IFT74: variants seen among roughly 807,000 people sequenced by gnomAD.
IFT74 encodes intraflagellar transport 74.
A neutral mutation model predicts 96.7 loss-of-function variants in IFT74; 92 were observed. That is an observed-to-expected ratio of 0.95 (90% confidence interval 0.80 to 1.13). The LOEUF is 1.13. Among genes scored for constraint, IFT74 ranks in the 50% most tolerant of loss-of-function variants. The pLI, the probability that IFT74 is intolerant of heterozygous loss-of-function variation, is 0.00. For missense variants in IFT74, 811 were observed against 698.2 expected (o/e 1.16, Z -1.82); for synonymous variants, 223 against 213.2 (o/e 1.05, Z -0.40).
At chr9:27,012,545 C>T (rs1829135469) in intron 10 of IFT74, among the ~76,000 whole-genome samples, 1 of 151,992 alleles carries the variant, frequency 6.6e-6, no homozygotes, top group South Asian at 2.1e-4. Flanking sequence ...GACACATACA[C>T]AAGAGATTAT....
chr9:26,997,598 T>C (rs1828233596), intron 8 of IFT74: 1 of 954,896 alleles, frequency 1.0e-6, no homozygotes, highest in Non-Finnish European at 1.5e-6. Context: ...CCTCCCATAG[T>C]GATGGGATTA....
intron 13 of IFT74, chr9:27,036,774 A>T: frequency 8.7e-7 from 1 of 1,150,462 alleles, no homozygotes; most frequent in Non-Finnish European, 1.1e-6. Context: ...CTCAACAAGA[A>T]AATAAAATTC....
At chr9:27,023,045 TA>T (rs1411466994) in intron 12 of IFT74, among the ~76,000 whole-genome samples, 1 of 152,232 alleles carries the variant, frequency 6.6e-6, no homozygotes, top group African/African-American at 2.4e-5. Context: ...TTATAAGATC[TA>T]GGAGTTTTCT....
In IFT74 at chr9:27,044,787, A is replaced by G. The variant is rs768620623; in HGVS notation, c.1100A>G (p.His367Arg). The G allele has an allele frequency of 4.6e-6, 7 of 1,529,568 alleles. No homozygotes were observed. The highest frequency in any genetic ancestry group is 5.4e-6 in the Non-Finnish European group (6 of 1,113,250). The allele number at this position is 1,529,568 out of a possible 1,614,324, so 94.7% of individuals were successfully genotyped here. A position where few individuals can be genotyped will look rare whatever the true frequency, so the allele number is the denominator to read the frequency against. Residue 367 changes from histidine (H) to arginine (R), a missense_variant, in exon 14 of 20, where the codon CAT becomes CGT. Physicochemically the swap from His to Arg is conservative, Grantham distance 29. Transcript: ENST00000380062. ...AAGGAGCTAAAGAAAAGGGAGGAAC[A>G]TATGGACAGTAAGTGATATTCTTGT... ...KYKELKKREE[H>R]MDTFIETFEE...
intron 13 of IFT74, chr9:27,036,366 A>G (rs1436396149): frequency 1.3e-6 from 2 of 1,492,080 alleles, no homozygotes. Context: ...TTAGTTTAAA[A>G]CATTAAGCTT....
At chr9:26,962,878 T>C (rs1033642241) in intron 2 of IFT74, among the ~76,000 whole-genome samples, 23 of 151,626 alleles carry the variant, frequency 1.5e-4, no homozygotes, top group African/African-American at 5.6e-4. Context: ...ATAATATATA[T>C]ACCATATATA....
chr9:27,056,400 C>T lies in IFT74; in HGVS notation c.1564C>T (p.Gln522Ter), dbSNP rs745409480. ...TGCCTTTAAGAAAATAATGGAGAAGCAAAACATAGAGTATGAGGCACTAAA... is the reference window on the plus strand; with the variant it reads ...TGCCTTTAAGAAAATAATGGAGAAGTAAAACATAGAGTATGAGGCACTAAA... ...RNAFKKIMEKQNIEYEALKTQ... is the reference protein window; with the variant it reads ...RNAFKKIMEK The change falls in exon 18 of 20, where the codon CAA becomes TAA. Residue 522 changes from glutamine to a stop codon, truncating the protein, a stop_gained. Coordinates refer to ENST00000380062, the MANE Select transcript of IFT74 (RefSeq NM_025103.4). LOFTEE classifies it high-confidence loss of function. The T allele has an allele frequency of 5.0e-6, 8 of 1,598,818 alleles. No homozygotes were observed.
chr9:27,048,793 C>G (rs1378685158), intron 16 of IFT74, among the ~76,000 whole-genome samples: 1 of 152,194 alleles, frequency 6.6e-6, no homozygotes, highest in Non-Finnish European at 1.5e-5. Context: ...GAGGCCCTAA[C>G]TTTCCTGATA....
chr9:27,017,932 C>A (rs1182397186), intron 11 of IFT74, among the ~76,000 whole-genome samples: 4 of 152,142 alleles, frequency 2.6e-5, no homozygotes, highest in Admixed American at 6.5e-5. Flanking sequence ...GTCAGGGACT[C>A]CTTTGCCCTT....
chr9:26,959,442 A>G (rs895538618), intron 1 of IFT74, among the ~76,000 whole-genome samples: 3 of 152,178 alleles, frequency 2.0e-5, no homozygotes, highest in Non-Finnish European at 4.4e-5. Flanking sequence ...TTGGCTGCAT[A>G]AGGGAAGGAT....
chr9:26,978,097 T>C (rs753539457), intron 2 of IFT74, 31 bp from the exon 3 acceptor site: 1 of 1,546,292 alleles, frequency 6.5e-7, no homozygotes, highest in Non-Finnish European at 8.7e-7. Flanking sequence ...TTTTCTGGTT[T>C]ACTAAAAATG....
At chr9:27,008,271 T>G (rs1828884829) in intron 8 of IFT74, among the ~76,000 whole-genome samples, 1 of 152,164 alleles carries the variant, frequency 6.6e-6, no homozygotes, top group Admixed American at 6.5e-5. Flanking sequence ...ACTGGATGAT[T>G]TACACGGGAA....
upstream of IFT74, among the ~76,000 whole-genome samples, chr9:26,954,930 G>A (rs1290467404): frequency 1.3e-5 from 2 of 152,002 alleles, no homozygotes; most frequent in Non-Finnish European, 2.9e-5. Context: ...GAAGCTCAGA[G>A]GCAAATAAGT....
At chr9:27,061,962 G>A (rs1179512755) in intron 19 of IFT74, among the ~76,000 whole-genome samples, 1 of 152,154 alleles carries the variant, frequency 6.6e-6, no homozygotes, top group Non-Finnish European at 1.5e-5. Flanking sequence ...TTCCTTAAAA[G>A]TTGTTTCCTA....
intron 16 of IFT74, among the ~76,000 whole-genome samples, chr9:27,053,823 G>A (rs999975458): frequency 6.6e-6 from 1 of 152,142 alleles, no homozygotes; most frequent in African/African-American, 2.4e-5. Flanking sequence ...AATATCTACA[G>A]GCTAAAAACA....
chr9:27,027,490 T>G (rs1398393702), intron 12 of IFT74, among the ~76,000 whole-genome samples: 1 of 152,152 alleles, frequency 6.6e-6, no homozygotes. Context: ...TATTATCTCT[T>G]TTTCTATTAT....
At chr9:27,005,365 C>A (rs868326201) in intron 8 of IFT74, among the ~76,000 whole-genome samples, 2 of 104,542 alleles carry the variant, frequency 1.9e-5, no homozygotes, top group South Asian at 4.7e-4. Flanking sequence ...CCCCCCGCCC[C>A]CCGCAAAACA....
intron 1 of IFT74, among the ~76,000 whole-genome samples, chr9:26,948,402 CTTAA>C (rs1825814084): frequency 7.1e-6 from 1 of 141,682 alleles, no homozygotes; most frequent in Admixed American, 7.2e-5. Context: ...GAAATATACA[CTTAA>C]TTGTTTTTTC....
At position 26,966,722 on chromosome 9, in the gene IFT74, G is replaced by T. The variant is rs143178112; in HGVS notation, c.120+4635G>T. ...TTGCTTTGGTTTCCTTTGCTTGTGG[G>T]ATATTACTCAAGAAATCTTTGCTTA... On this transcript the variant is annotated intron_variant, in intron 2 of 19. Transcript: ENST00000380062. Among the ~76,000 whole-genome samples the T allele has an allele frequency of 2.0e-5, 3 of 151,972 alleles. No homozygotes were observed. In the East Asian group the frequency reaches 5.8e-4, roughly 29 times the overall value.
Sources: gnomAD v4.1 joint callset for allele counts (sites outside exome capture counted in the v4.1 genomes callset) on GRCh38, gnomAD v4.1.1 for gene constraint, MANE v1.5 for transcripts, NCBI Gene and HGNC (gene_info 2026-07-23, HGNC 2026-07-21) for gene names.